CROCC2: variants seen among roughly 807,000 people sequenced by gnomAD.
The protein encoded by CROCC2 is ciliary rootlet coiled-coil protein 2.
Under a neutral mutation model 177.6 loss-of-function variants are expected in CROCC2, and 163 were observed. The ratio of observed to expected loss-of-function variants is 0.92; its 90% CI spans 0.81 to 1.05. CROCC2 has a LOEUF of 1.05. Among genes scored for constraint, CROCC2 ranks in the 50% least tolerant of loss-of-function variants. The probability of loss-of-function intolerance (pLI) is 0.00; values close to 1 mark genes in which losing one functional copy is unlikely to be tolerated. For synonymous variants in CROCC2, 904 were observed against 787.3 expected (o/e 1.15, Z -2.48); for missense variants, 1,929 against 1,797.8 (o/e 1.07, Z -1.32).
intron 30 of CROCC2, among the ~76,000 whole-genome samples, chr2:240,990,904 G>A (rs1317595659): frequency 2.6e-5 from 4 of 152,132 alleles, no homozygotes; most frequent in African/African-American, 9.7e-5. Flanking sequence ...CTCATTCTGA[G>A]TGCCTGAACA....
chr2:240,920,865 C>T lies in CROCC2; in HGVS notation c.381+731C>T, dbSNP rs551566538. ...CCTATGTCAGCCGCTCCAAGACATG[C>T]TGGCTTCTGAGGCAGGACTTGGCAA... On this transcript the variant is annotated intron_variant, in intron 3 of 31. Coordinates refer to ENST00000690015, the MANE Select transcript of CROCC2 (RefSeq NM_001351305.2). Among the ~76,000 whole-genome samples, 7 of 152,344 alleles carry T rather than the reference C, an allele frequency of 4.6e-5. No homozygotes were observed. In the South Asian group the frequency reaches 1.4e-3, roughly 32 times the overall value.
intron 3 of CROCC2, among the ~76,000 whole-genome samples, chr2:240,920,728 G>A (rs2059352792): frequency 6.6e-6 from 1 of 152,210 alleles, no homozygotes. Flanking sequence ...CCTGTGAGGT[G>A]AGCAAGAGGC....
intron 14 of CROCC2, among the ~76,000 whole-genome samples, chr2:240,942,584 TA>T (rs1490248413): frequency 6.6e-6 from 1 of 152,242 alleles, no homozygotes; most frequent in African/African-American, 2.4e-5. Context: ...TTCATAGAGA[TA>T]ATTTAAGGCT....
chr2:240,983,585 G>C, intron 28 of CROCC2: 4 of 1,281,734 alleles, frequency 3.1e-6, no homozygotes, highest in Non-Finnish European at 4.1e-6. Context: ...ACAGGTAGGC[G>C]GCAGCGGTGG....
chr2:240,911,271 C>A (rs1430385567), intron 1 of CROCC2, among the ~76,000 whole-genome samples: 2 of 150,078 alleles, frequency 1.3e-5, no homozygotes, highest in Non-Finnish European at 3.0e-5. Context: ...CGTTGAGCAA[C>A]CATCACCACC....
chr2:240,964,706 A>T (rs2059666740), intron 22 of CROCC2, 81 bp downstream of exon 22: 1 of 1,448,294 alleles, frequency 6.9e-7, no homozygotes, highest in African/African-American at 1.4e-5. Flanking sequence ...GGGAGCCCCC[A>T]GCCCTGGCCT....
rs948766487 is a variant in CROCC2 at position 240,966,316 on chromosome 2, C to T, written c.4053C>T (p.Pro1351=). The T allele has an allele frequency of 3.6e-5, 15 of 416,782 alleles. No individual in the cohort carries two copies. Among genetic ancestry groups the T allele is most frequent in the Admixed American group, 1.3e-4 (3 of 23,080 alleles). 25.8% of individuals were successfully genotyped at this position (416,782 alleles called of 1,614,324 possible). Residue 1351 remains proline (P), a synonymous_variant, in exon 25 of 32, where the codon CCC becomes CCT. Coordinates refer to ENST00000690015, the MANE Select transcript of CROCC2 (RefSeq NM_001351305.2). ...CCCTCCGATGGCCCTCGCCCACACC[C>T]GGAGGCCGCAGCTCAGAGCTCATGG... ...HSPLRWPSPT[P]GGRSSELMDV...
chr2:240,975,789 G>T (rs966395156), intron 27 of CROCC2, among the ~76,000 whole-genome samples: 1 of 146,550 alleles, frequency 6.8e-6, no homozygotes, highest in African/African-American at 2.6e-5. Context: ...GAGTGCAGTG[G>T]CACGGTCTTG....
chr2:240,929,251 T>G (rs2059412947), intron 5 of CROCC2, among the ~76,000 whole-genome samples: 1 of 152,148 alleles, frequency 6.6e-6, no homozygotes, highest in African/African-American at 2.4e-5. Flanking sequence ...CTGGTCATGG[T>G]CCTCTCTGGG....
chr2:240,964,361 C>T, intron 21 of CROCC2, 105 bp from the exon 22 acceptor site: 1 of 1,371,942 alleles, frequency 7.3e-7, no homozygotes. Flanking sequence ...TGTGCAGAGT[C>T]AAGACTGGGG....
At chr2:240,991,401 C>A in intron 31 of CROCC2, 123 bp downstream of exon 31, 1 of 804,736 alleles carries the variant, frequency 1.2e-6, no homozygotes, top group Non-Finnish European at 1.9e-6. Context: ...GTTGGGAAAA[C>A]CAATGCCTTG....
chr2:240,961,651 TCA>T (rs755336661), intron 20 of CROCC2, among the ~76,000 whole-genome samples: 144 of 122,772 alleles, frequency 1.2e-3, no homozygotes, highest in Admixed American at 1.6e-3. Context: ...CACACGCTCA[TCA>T]CACACACGTA....
chr2:240,970,584 C>T (rs1377772991), intron 27 of CROCC2, among the ~76,000 whole-genome samples: 1 of 152,236 alleles, frequency 6.6e-6, no homozygotes, highest in African/African-American at 2.4e-5. Context: ...CTCCAGGGGC[C>T]GAGGGTCTTG....
In CROCC2 at chr2:240,973,998, T is replaced by C. The variant is rs1317938335; in HGVS notation, c.4401+5736T>C. Among the ~76,000 whole-genome samples the C allele has an allele frequency of 6.6e-6, 1 of 152,226 alleles. No homozygotes were observed. Among genetic ancestry groups the C allele is most frequent in the African/African-American group, 2.4e-5 (1 of 41,462 alleles). ...GTCAAGGGTCTGCTTTCGTTTTCCA[T>C]TTCTTCTCGGGTCAGTTTTGCCCTG... On this transcript the variant is annotated intron_variant, in intron 27 of 31. Coordinates refer to ENST00000690015, the MANE Select transcript of CROCC2 (RefSeq NM_001351305.2). The surrounding 1 kb of genome is among the most constrained non-coding windows in gnomAD (Gnocchi z 4.7).
chr2:240,960,394 G>A lies in CROCC2; in HGVS notation c.3087+950G>A, dbSNP rs990973423. ...CCCCCAGGAGCCACATGATGGTGAC[G>A]TGGGGTGGGGGACAGTCTTGGGCAG... On this transcript the variant is annotated intron_variant, in intron 20 of 31. Coordinates refer to ENST00000690015, the MANE Select transcript of CROCC2 (RefSeq NM_001351305.2). The surrounding 1 kb of genome is among the most constrained non-coding windows in gnomAD (Gnocchi z 5.0). Among the ~76,000 whole-genome samples, 4 of 152,198 alleles carry A rather than the reference G, an allele frequency of 2.6e-5. No homozygotes were observed. The highest frequency in any genetic ancestry group is 1.9e-4 in the East Asian group (1 of 5,178).
At chr2:240,940,143 C>T (rs564041278) in intron 14 of CROCC2, among the ~76,000 whole-genome samples, 1 of 152,086 alleles carries the variant, frequency 6.6e-6, no homozygotes, top group Non-Finnish European at 1.5e-5. Flanking sequence ...CAGTCAGTGA[C>T]AGAAGGGCAT....
At chr2:240,969,027 G>A (rs918237788) in intron 27 of CROCC2, among the ~76,000 whole-genome samples, 5 of 152,236 alleles carry the variant, frequency 3.3e-5, no homozygotes, top group African/African-American at 1.2e-4. Context: ...CCAGGGGCCA[G>A]AGAACAGCGT....
At chr2:240,984,219 C>A (rs2059820517) in intron 28 of CROCC2, among the ~76,000 whole-genome samples, 1 of 152,112 alleles carries the variant, frequency 6.6e-6, no homozygotes, top group Admixed American at 6.5e-5. Context: ...GTGGAGGCAC[C>A]CTGCTGGCGG....
intron 1 of CROCC2, among the ~76,000 whole-genome samples, chr2:240,910,300 C>A (rs1290163745): frequency 6.9e-6 from 1 of 144,926 alleles, no homozygotes; most frequent in Non-Finnish European, 1.5e-5. Flanking sequence ...GATGGAGAAG[C>A]ATGGCGCAGA....
Sources: gnomAD v4.1 joint callset for allele counts (sites outside exome capture counted in the v4.1 genomes callset) on GRCh38, gnomAD v4.1.1 for gene constraint, Gnocchi (gnomAD v3.1) non-coding constraint, MANE v1.5 for transcripts, NCBI Gene and HGNC (gene_info 2026-07-23, HGNC 2026-07-21) for gene names.